Variants in TCP11L2 observed in about 807,000 individuals in gnomAD.
TCP11L2 encodes the protein T-complex protein 11-like protein 2.
Under a neutral mutation model 50.7 loss-of-function variants are expected in TCP11L2, and 39 were observed. The ratio of observed to expected loss-of-function variants is 0.77; its 90% CI spans 0.60 to 1.01. TCP11L2 has a LOEUF of 1.01. Ranked by LOEUF, TCP11L2 falls within the 50% of genes least tolerant of loss-of-function variation. The probability of loss-of-function intolerance (pLI) is 0.00; values close to 1 mark genes in which losing one functional copy is unlikely to be tolerated. For synonymous variants in TCP11L2, 192 were observed against 219.3 expected (o/e 0.88, Z 1.10); for missense variants, 612 against 614.7 (o/e 1.00, Z 0.05).
Position 106,321,591 on chromosome 12 carries a change from G to A in TCP11L2, c.520G>A (p.Asp174Asn), listed in dbSNP as rs1351328827. The A allele has an allele frequency of 6.2e-7, 1 of 1,614,090 alleles. No homozygotes were observed. Among genetic ancestry groups the A allele is most frequent in the African/African-American group, 1.3e-5 (1 of 74,922 alleles). ...GCAGCAGGCTGAGCACAGTGCTGTTGACATCCAAGGCCTGGCCAACTATGT... is the reference window on the plus strand; with the variant it reads ...GCAGCAGGCTGAGCACAGTGCTGTTAACATCCAAGGCCTGGCCAACTATGT... ...IRQQAEHSAV[D>N]IQGLANYVIS... is the part of the protein sequence containing the mutation. The change falls in exon 5 of 10, where the codon GAC becomes AAC. Residue 174 changes from aspartate to asparagine, a missense_variant. Transcript: ENST00000299045.
chr12:106,310,729 C>A (rs1396205748), intron 1 of TCP11L2, among the ~76,000 whole-genome samples: 1 of 152,156 alleles, frequency 6.6e-6, no homozygotes, highest in Non-Finnish European at 1.5e-5. Flanking sequence ...TTTCAGCAAC[C>A]CAGGAGGAGA....
intron 6 of TCP11L2, among the ~76,000 whole-genome samples, chr12:106,327,807 C>T (rs2035611734): frequency 6.6e-6 from 1 of 152,066 alleles, no homozygotes; most frequent in Admixed American, 6.5e-5. Context: ...GAATTGGCTC[C>T]AGGAAAATAT....
Position 106,346,361 on chromosome 12 carries a change from G to C in TCP11L2, c.1391G>C (p.Gly464Ala). The C allele has an allele frequency of 6.2e-7, 1 of 1,614,076 alleles. No homozygotes were observed. The highest frequency in any genetic ancestry group is 8.5e-7 in the Non-Finnish European group (1 of 1,180,014). Residue 464 changes from glycine (G) to alanine (A), a missense_variant, in exon 10 of 10, where the codon GGA becomes GCA. Coordinates refer to ENST00000299045, the MANE Select transcript of TCP11L2 (RefSeq NM_152772.3). ...CAAAAATGCATGCCTCCTATGCCAG[G>C]AGGCCTAGCTGTCATTCAGCAGGAG... The part of the protein sequence containing the change: ...SPQKCMPPMP[G>A]GLAVIQQELE...
chr12:106,300,688 G>T (rs951065134), upstream of TCP11L2, among the ~76,000 whole-genome samples: 3 of 152,148 alleles, frequency 2.0e-5, no homozygotes, highest in Non-Finnish European at 4.4e-5. Flanking sequence ...TTCACAGAAG[G>T]GTTTTCAGAT....
At chr12:106,331,311 TG>T (rs775730609) in intron 6 of TCP11L2, among the ~76,000 whole-genome samples, 1 of 148,752 alleles carries the variant, frequency 6.7e-6, no homozygotes, top group Non-Finnish European at 1.5e-5. Flanking sequence ...GCACGCTAAC[TG>T]GTATCTACAA....
Position 106,340,815 on chromosome 12 carries a change from A to G in TCP11L2, c.1143-11A>G. On this transcript the variant is annotated splice_polypyrimidine_tract_variant and intron_variant, in intron 8 of 9. Coordinates refer to ENST00000299045, the MANE Select transcript of TCP11L2 (RefSeq NM_152772.3). ...ACTTTCCCTGGTGGAATTTCATTTT[A>G]TGTTTCATAGGACCTTTAACTTGAA... The G allele has an allele frequency of 1.3e-6, 2 of 1,559,562 alleles. No homozygotes were observed. Among genetic ancestry groups the G allele is most frequent in the Non-Finnish European group, 8.6e-7 (1 of 1,158,884 alleles).
intron 1 of TCP11L2, among the ~76,000 whole-genome samples, chr12:106,307,867 G>A (rs553440008): frequency 6.6e-6 from 1 of 152,194 alleles, no homozygotes; most frequent in Admixed American, 6.5e-5. Flanking sequence ...ACTGTTTACT[G>A]TGTCAATGAC....
intron 9 of TCP11L2, among the ~76,000 whole-genome samples, chr12:106,342,760 T>C (rs2036126056): frequency 6.6e-6 from 1 of 152,240 alleles, no homozygotes; most frequent in Admixed American, 6.5e-5. Context: ...TTCCCCAGCC[T>C]GTCTGACTCC....
At position 106,318,482 on chromosome 12, in the gene TCP11L2, C is replaced by T. The variant is rs1183650525; in HGVS notation, c.414+18C>T. On this transcript the variant is annotated intron_variant, in intron 4 of 9. Coordinates refer to ENST00000299045, the MANE Select transcript of TCP11L2 (RefSeq NM_152772.3). Reference sequence around the variant, plus strand: ...TCAGAGAGGCAAGTTGCTTTGTTGTCTGTGTCAGTTAGCGTCTTACTCCAG... The same window carrying T: ...TCAGAGAGGCAAGTTGCTTTGTTGTTTGTGTCAGTTAGCGTCTTACTCCAG... 1 of 1,612,302 alleles carries T rather than the reference C, an allele frequency of 6.2e-7. No individual in the cohort carries two copies. Among genetic ancestry groups the T allele is most frequent in the South Asian group, 1.1e-5 (1 of 90,970 alleles).
chr12:106,303,137 C>T (rs900321898), intron 1 of TCP11L2, 196 bp downstream of exon 1: 1 of 152,236 alleles, frequency 6.6e-6, no homozygotes, highest in Non-Finnish European at 1.5e-5. Flanking sequence ...TGACCTCGAA[C>T]TGCCGTCCCG....
intron 4 of TCP11L2, 146 bp from the exon 5 acceptor site, chr12:106,321,340 A>C (rs980424066): frequency 6.0e-6 from 4 of 661,812 alleles, no homozygotes; most frequent in African/African-American, 5.4e-5. Context: ...TGCTCCTCTG[A>C]TCCACCCATG....
intron 6 of TCP11L2, among the ~76,000 whole-genome samples, chr12:106,334,779 A>G (rs963158971): frequency 4.5e-4 from 69 of 152,048 alleles, no homozygotes; most frequent in African/African-American, 1.6e-3. Flanking sequence ...CATCTCTACT[A>G]AAAATACAAA....
intron 1 of TCP11L2, among the ~76,000 whole-genome samples, chr12:106,307,118 C>T (rs1371711824): frequency 6.6e-6 from 1 of 152,206 alleles, no homozygotes; most frequent in Non-Finnish European, 1.5e-5. Flanking sequence ...TGTCAGTAGT[C>T]TTACTACCAT....
intron 8 of TCP11L2, among the ~76,000 whole-genome samples, chr12:106,337,373 G>A (rs1046208343): frequency 1.2e-4 from 19 of 152,146 alleles, no homozygotes; most frequent in Non-Finnish European, 2.5e-4. Context: ...AAACAGAAAA[G>A]GGCAGACCAA....
At chr12:106,333,695 TA>T (rs1481856133) in intron 6 of TCP11L2, among the ~76,000 whole-genome samples, 4 of 152,094 alleles carry the variant, frequency 2.6e-5, no homozygotes, top group South Asian at 2.1e-4. Flanking sequence ...AAAGTAAAGG[TA>T]AACAAATACT....
At chr12:106,341,139 T>A in intron 9 of TCP11L2, 141 bp downstream of exon 9, 2 of 732,570 alleles carry the variant, frequency 2.7e-6, no homozygotes, top group Non-Finnish European at 4.4e-6. Context: ...CAAGAAATAT[T>A]AATGTTTTCA....
chr12:106,300,368 C>T (rs1029467036), upstream of TCP11L2, among the ~76,000 whole-genome samples: 3 of 152,116 alleles, frequency 2.0e-5, no homozygotes, highest in African/African-American at 7.2e-5. Flanking sequence ...CTCGCTCTGT[C>T]GCCCAGGCCG....
intron 6 of TCP11L2, chr12:106,325,969 T>C (rs1261100512): frequency 1.3e-5 from 2 of 151,500 alleles, no homozygotes; most frequent in Non-Finnish European, 2.9e-5. Flanking sequence ...GAAGAAATCT[T>C]AGCTCATCAA....
At chr12:106,327,243 G>T (rs992822009) in intron 6 of TCP11L2, among the ~76,000 whole-genome samples, 21 of 151,918 alleles carry the variant, frequency 1.4e-4, no homozygotes, top group Non-Finnish European at 1.6e-4. Flanking sequence ...GCCCAGGCTG[G>T]GGTGCAGTGG....
Sources: gnomAD v4.1 joint callset for allele counts (sites outside exome capture counted in the v4.1 genomes callset) on GRCh38, gnomAD v4.1.1 for gene constraint, MANE v1.5 for transcripts, NCBI Gene and HGNC (gene_info 2026-07-23, HGNC 2026-07-21) for gene names.